BABAM2: variants seen among roughly 807,000 people sequenced by gnomAD.
The protein encoded by BABAM2 is BRISC and BRCA1-A complex member 2.
A neutral mutation model predicts 54.7 loss-of-function variants in BABAM2; 31 were observed. The observed-to-expected ratio is 0.57, with a 90% confidence interval of 0.43 to 0.77. BABAM2 has a LOEUF of 0.77. Ranked by LOEUF, BABAM2 falls within the 30% of genes least tolerant of loss-of-function variation. The probability of loss-of-function intolerance (pLI) is 0.00; values close to 1 mark genes in which losing one functional copy is unlikely to be tolerated. For synonymous variants in BABAM2, 167 were observed against 162.9 expected (o/e 1.03, Z -0.19); for missense variants, 364 against 455.8 (o/e 0.80, Z 1.83).
At chr2:28,124,080 A>G (rs944974185) in intron 6 of BABAM2, among the ~76,000 whole-genome samples, 7 of 152,222 alleles carry the variant, frequency 4.6e-5, no homozygotes, top group African/African-American at 1.7e-4. Flanking sequence ...TTGCAAGGTT[A>G]TGTGATTTGT....
At chr2:28,053,148 C>T (rs1475880519) in intron 6 of BABAM2, among the ~76,000 whole-genome samples, 1 of 152,052 alleles carries the variant, frequency 6.6e-6, no homozygotes, top group Non-Finnish European at 1.5e-5. Context: ...GCCTTTGATT[C>T]TGATAAGAAT....
At chr2:28,082,164 A>C (rs992631144) in intron 6 of BABAM2, among the ~76,000 whole-genome samples, 3 of 152,168 alleles carry the variant, frequency 2.0e-5, no homozygotes, top group African/African-American at 7.2e-5. Context: ...GATATCAGTA[A>C]TTTGAAAGTG....
At chr2:28,220,352 A>C (rs1164739236) in intron 7 of BABAM2, among the ~76,000 whole-genome samples, 1 of 152,220 alleles carries the variant, frequency 6.6e-6, no homozygotes, top group Non-Finnish European at 1.5e-5. Flanking sequence ...AAATAAAAGA[A>C]GCTCTTAATA....
intron 7 of BABAM2, among the ~76,000 whole-genome samples, chr2:28,137,116 GA>G (rs894239434): frequency 6.6e-6 from 1 of 151,786 alleles, no homozygotes; most frequent in Admixed American, 6.6e-5. Context: ...TTCTTGCCTT[GA>G]AAAAAAATCC....
chr2:28,197,633 C>T (rs915231025), intron 7 of BABAM2, among the ~76,000 whole-genome samples: 2 of 152,140 alleles, frequency 1.3e-5, no homozygotes, highest in Admixed American at 6.5e-5. Context: ...TCTGTTACAG[C>T]CATAGTAGAG....
intron 7 of BABAM2, among the ~76,000 whole-genome samples, chr2:28,187,923 C>G (rs1400037818): frequency 2.0e-5 from 3 of 152,118 alleles, no homozygotes; most frequent in African/African-American, 7.2e-5. Context: ...CCACCTCGGC[C>G]TCCCAAAGTG....
At chr2:28,047,175 T>A (rs138985593) in intron 6 of BABAM2, among the ~76,000 whole-genome samples, 5 of 152,336 alleles carry the variant, frequency 3.3e-5, no homozygotes, top group African/African-American at 1.2e-4. Flanking sequence ...CAAATAAGAA[T>A]GGAAATCATC....
chr2:28,218,882 G>A (rs990633605), intron 7 of BABAM2, among the ~76,000 whole-genome samples: 1 of 152,050 alleles, frequency 6.6e-6, no homozygotes, highest in Non-Finnish European at 1.5e-5. Context: ...TTTCAGAGGG[G>A]ATTTATTGAT....
chr2:28,208,638 T>C (rs1386836155), intron 7 of BABAM2, among the ~76,000 whole-genome samples: 1 of 151,706 alleles, frequency 6.6e-6, no homozygotes, highest in Non-Finnish European at 1.5e-5. Context: ...CCTCTTTCTT[T>C]CTTTCCTTTC....
chr2:28,238,643 A>G (rs531919526), intron 8 of BABAM2, among the ~76,000 whole-genome samples: 1 of 152,334 alleles, frequency 6.6e-6, no homozygotes, highest in East Asian at 1.9e-4. Context: ...TCATCAGACC[A>G]AATCTCCCCA....
At chr2:28,206,563 C>T (rs1464872764) in intron 7 of BABAM2, among the ~76,000 whole-genome samples, 1 of 152,118 alleles carries the variant, frequency 6.6e-6, no homozygotes, top group African/African-American at 2.4e-5. Context: ...TGAGCGGAGG[C>T]TGAAACCCCA....
rs1383316323 is a variant in BABAM2, at chr2:28,248,225, T to C, written c.934+3363T>C. Among the ~76,000 whole-genome samples, 7 of 142,992 alleles carry C rather than the reference T, an allele frequency of 4.9e-5. No individual in the cohort carries two copies. The East Asian group carries it at 1.4e-3, about 29-fold the overall frequency. The allele number at this position is 142,992 out of a possible 152,430, so 93.8% of individuals were successfully genotyped here. A position where few individuals can be genotyped will look rare whatever the true frequency, so the allele number is the denominator to read the frequency against. On this transcript the variant is annotated intron_variant, in intron 10 of 11. Transcript: ENST00000379624. ...TCTTTTTCTTTTTTTTTTTTTTTTT[T>C]TGAGACGGAGTTTTGCTCTTGTTGC... is the stretch of plus-strand genomic sequence containing the variant.
chr2:28,164,472 C>T (rs75356393), intron 7 of BABAM2, among the ~76,000 whole-genome samples: 10,006 of 151,738 alleles, frequency 0.066, 360 homozygotes, highest in African/African-American at 0.078. Context: ...TGTCATGTTC[C>T]GAGTGAACAG....
chr2:28,275,626 A>G (rs1685812322), intron 10 of BABAM2, among the ~76,000 whole-genome samples: 1 of 152,220 alleles, frequency 6.6e-6, no homozygotes, highest in Non-Finnish European at 1.5e-5. Context: ...CTCCTGGAAG[A>G]GCAAAGATTA....
chr2:28,005,814 TTCA>T (rs1399938171), intron 4 of BABAM2, among the ~76,000 whole-genome samples: 2 of 152,120 alleles, frequency 1.3e-5, no homozygotes, highest in African/African-American at 4.8e-5. Context: ...ATAATCTTGT[TTCA>T]TCTATACTCC....
intron 7 of BABAM2, among the ~76,000 whole-genome samples, chr2:28,227,293 A>G (rs1406196438): frequency 6.6e-6 from 1 of 152,058 alleles, no homozygotes; most frequent in African/African-American, 2.4e-5. Flanking sequence ...GATACCCCTC[A>G]CCAGTAGGCA....
At chr2:28,235,956 G>A (rs1050821636) in intron 7 of BABAM2, among the ~76,000 whole-genome samples, 4 of 152,082 alleles carry the variant, frequency 2.6e-5, no homozygotes, top group African/African-American at 9.7e-5. Flanking sequence ...CACTGCAGCC[G>A]GCTACCCTGA....
intron 3 of BABAM2, among the ~76,000 whole-genome samples, chr2:27,947,315 T>A (rs558336233): frequency 6.6e-6 from 1 of 152,140 alleles, no homozygotes; most frequent in African/African-American, 2.4e-5. Flanking sequence ...ATTGTTTGAT[T>A]TTTTTCCCCC....
At chr2:28,046,372 A>G (rs1336001952) in intron 6 of BABAM2, among the ~76,000 whole-genome samples, 1 of 152,188 alleles carries the variant, frequency 6.6e-6, no homozygotes, top group Non-Finnish European at 1.5e-5. Context: ...AGGCAGGAGA[A>G]TCGCTTGAAC....
Sources: allele counts gnomAD v4.1 joint callset (sites outside exome capture counted in the v4.1 genomes callset), GRCh38; gene constraint gnomAD v4.1.1; transcripts MANE v1.5; gene names NCBI Gene and HGNC (gene_info 2026-07-23, HGNC 2026-07-21).